Variants in AXIN2 observed in about 807,000 individuals in gnomAD.
AXIN2 encodes the protein axin-2.
AXIN2 carries 21 observed loss-of-function variants against 74.7 expected under a neutral mutation model. The observed-to-expected ratio is 0.28, with a 90% CI of 0.20 to 0.40. AXIN2 has a LOEUF of 0.40. Among genes scored for constraint, AXIN2 ranks in the 10% least tolerant of loss-of-function variants. AXIN2 has a pLI of 1.00. For missense variants in AXIN2, 1,144 were observed against 1,111.1 expected, an observed-to-expected ratio of 1.03 and a Z score of -0.42; for synonymous variants, 532 against 454.9, an observed-to-expected ratio of 1.17 and a Z score of -2.16.
In AXIN2 at chr17:65,528,702, T is replaced by C. The variant is rs751226158; in HGVS notation, c.*1274A>G. On this transcript the variant is annotated 3_prime_UTR_variant, in exon 11 of 11. Transcript: ENST00000307078. ...GAACAAAATGTCATGACAAAAGTCA[T>C]TGAGTACAAGACTTGTAATAAAAAG... 3.7e-5 allele frequency: 19 copies of C among 511,908 alleles called. No homozygotes were observed. The highest frequency in any genetic ancestry group is 1.5e-4 in the African/African-American group (8 of 51,992). The allele number at this position is 511,908 out of a possible 1,614,324, so 31.7% of individuals were successfully genotyped here.
chr17:65,544,095 T>C (rs945918711), intron 3 of AXIN2, among the ~76,000 whole-genome samples: 2 of 152,092 alleles, frequency 1.3e-5, no homozygotes, highest in South Asian at 2.1e-4. Flanking sequence ...AAGCACTCCA[T>C]GGACCCCACC....
At chr17:65,547,900 TGA>T (rs1238768845) in intron 3 of AXIN2, among the ~76,000 whole-genome samples, 1 of 152,228 alleles carries the variant, frequency 6.6e-6, no homozygotes, top group East Asian at 1.9e-4. Context: ...TCATTGCCTA[TGA>T]GAGAAATACC....
In AXIN2 at chr17:65,558,336, G is replaced by A. The variant is rs1555583568; in HGVS notation, c.285C>T (p.Phe95=). ...LLGDQDGAYL[F]RTFLEREKCV... is the part of the protein sequence containing the mutation. ...ATTTCTCCCTCTCCAGGAAAGTTCG[G>A]AACAGGTAAGCACCGTCTTGATCGC... The change falls in exon 2 of 11, where the codon TTC becomes TTT. Residue 95 remains phenylalanine, a synonymous_variant. Coordinates refer to ENST00000307078, the MANE Select transcript of AXIN2 (RefSeq NM_004655.4). 6.2e-7 allele frequency: 1 copy of A among 1,614,090 alleles called. No homozygotes were observed. Among genetic ancestry groups the A allele is most frequent in the African/African-American group, 1.3e-5 (1 of 74,940 alleles).
intron 10 of AXIN2, among the ~76,000 whole-genome samples, chr17:65,530,623 G>C (rs2043800572): frequency 6.6e-6 from 1 of 152,196 alleles, no homozygotes; most frequent in African/African-American, 2.4e-5. Flanking sequence ...GCAGTCCAAA[G>C]GCCTCTCGGC....
intron 2 of AXIN2, among the ~76,000 whole-genome samples, chr17:65,553,807 G>T (rs11869513): frequency 0.38 from 54,412 of 143,622 alleles, 12,624 homozygotes; most frequent in Non-Finnish European, 0.52. Flanking sequence ...TTAAGAAAAC[G>T]GAGTGGGGCT....
rs147057034 is a variant in AXIN2 at position 65,529,415 on chromosome 17, A to G, written c.*561T>C. On this transcript the variant is annotated 3_prime_UTR_variant, in exon 11 of 11. Transcript: ENST00000307078. ...GGGCACCATTTTAAAAAGTCTGTCT[A>G]AAACAGTCTGTCTTCACTTGGAGGG... The G allele has an allele frequency of 1.7e-4, 44 of 251,504 alleles. No homozygotes were observed. In the East Asian group the frequency reaches 2.5e-3, roughly 14 times the overall value. 15.6% of individuals were successfully genotyped at this position (251,504 alleles called of 1,614,324 possible).
intron 1 of AXIN2, among the ~76,000 whole-genome samples, chr17:65,559,770 A>C (rs1041276109): frequency 6.6e-6 from 1 of 152,214 alleles, no homozygotes; most frequent in African/African-American, 2.4e-5. Context: ...CAAACTAAGA[A>C]GGGTAGGGGC....
At position 65,538,166 on chromosome 17, in the gene AXIN2, G is replaced by T. The variant is rs775294617; in HGVS notation, c.1200+37C>A. The T allele has an allele frequency of 3.7e-6, 6 of 1,613,828 alleles. No homozygotes were observed. The Admixed American group carries it at 1.0e-4, about 27-fold the overall frequency. ...GCATACACATACGAGCGCTCACGCC[G>T]TGGACGGAAGCAGGAAGAAGGCCTA... On this transcript the variant is annotated intron_variant, in intron 5 of 10. Transcript: ENST00000307078.
rs937475279 is a variant in AXIN2 at position 65,529,693 on chromosome 17, A to T, written c.*283T>A. On this transcript the variant is annotated 3_prime_UTR_variant, in exon 11 of 11. Coordinates refer to ENST00000307078, the MANE Select transcript of AXIN2 (RefSeq NM_004655.4). ...ATCCCTAGGAAGTCATATATTATGT[A>T]TGGCAGTCTCTCAAATACAGGCAGC... The T allele has an allele frequency of 1.0e-5, 5 of 486,286 alleles. No individual in the cohort carries two copies. In the Admixed American group the frequency reaches 1.7e-4, roughly 16 times the overall value. The allele number at this position is 486,286 out of a possible 1,614,324, so 30.1% of individuals were successfully genotyped here. A position where few individuals can be genotyped will look rare whatever the true frequency, so the allele number is the denominator to read the frequency against.
At chr17:65,534,953 G>T (rs1017149292) in intron 9 of AXIN2, among the ~76,000 whole-genome samples, 1 of 152,100 alleles carries the variant, frequency 6.6e-6, no homozygotes, top group African/African-American at 2.4e-5. Context: ...AAAGTGGCTG[G>T]CCCAGACCCA....
chr17:65,549,673 T>G lies in AXIN2; in HGVS notation c.816-13A>C. The G allele has an allele frequency of 6.3e-7, 1 of 1,589,394 alleles. No homozygotes were observed. Among genetic ancestry groups the G allele is most frequent in the East Asian group, 2.3e-5 (1 of 44,158 alleles). On this transcript the variant is annotated splice_polypyrimidine_tract_variant and intron_variant, in intron 2 of 10. Coordinates refer to ENST00000307078, the MANE Select transcript of AXIN2 (RefSeq NM_004655.4). ...CCTCTTGAAGGACCTATGGGCAAAG[T>G]ACAAAAGTGGTTCAGTCACTGACCC...
chr17:65,536,191 A>C, intron 8 of AXIN2, 129 bp downstream of exon 8: 1 of 953,122 alleles, frequency 1.0e-6, no homozygotes, highest in Non-Finnish European at 1.6e-6. Flanking sequence ...CTCATCCATA[A>C]GTAATTCTTC....
chr17:65,533,250 C>T (rs62063441), intron 10 of AXIN2, among the ~76,000 whole-genome samples: 18,991 of 152,194 alleles, frequency 0.12, 1,241 homozygotes, highest in Middle Eastern at 0.23. Context: ...GGCAGCGGGG[C>T]CCAGGCCTGG....
chr17:65,552,630 G>A lies in AXIN2; in HGVS notation c.816-2970C>T, dbSNP rs911346613. 1.2e-4 allele frequency among the ~76,000 whole-genome samples: 19 copies of A among 152,168 alleles called. 1 individual carries two copies. Among genetic ancestry groups the A allele is most frequent in the African/African-American group, 4.6e-4 (19 of 41,448 alleles). ...CCTGAAGAGCAGGCAGTTGGATCAT[G>A]GCCTCTGCACCAAGTTCTGAGGTCC... is the stretch of plus-strand genomic sequence containing the variant. On this transcript the variant is annotated intron_variant, in intron 2 of 10. Coordinates refer to ENST00000307078, the MANE Select transcript of AXIN2 (RefSeq NM_004655.4).
In AXIN2 at chr17:65,555,571, G is replaced by A. The variant is rs371632096; in HGVS notation, c.815+2235C>T. Reference sequence around the variant, plus strand: ...TATACTAATTATAACACTTTGCGGCGGTTCAAAACGTTTCTCTCTACAAAA... The same window carrying A: ...TATACTAATTATAACACTTTGCGGCAGTTCAAAACGTTTCTCTCTACAAAA... On this transcript the variant is annotated intron_variant, in intron 2 of 10. Transcript: ENST00000307078. Among the ~76,000 whole-genome samples, 308 of 152,086 alleles carry A rather than the reference G, an allele frequency of 2.0e-3. 3 individuals are homozygous for A. Among genetic ancestry groups the A allele is most frequent in the African/African-American group, 6.7e-3 (276 of 41,478 alleles).
In AXIN2 at chr17:65,536,561, A is replaced by G. The variant is rs762678966; in HGVS notation, c.1908-8T>C. On this transcript the variant is annotated splice_polypyrimidine_tract_variant and splice_region_variant and intron_variant, in intron 7 of 10. Transcript: ENST00000307078. Reference sequence around the variant, plus strand: ...TTTTTTGTGCTTTGGGCACTAAACAAGGAATGAGCAGAGAGAAAACAGAAG... The same window carrying G: ...TTTTTTGTGCTTTGGGCACTAAACAGGGAATGAGCAGAGAGAAAACAGAAG... 2.5e-6 allele frequency: 4 copies of G among 1,613,460 alleles called. No individual in the cohort carries two copies. Among genetic ancestry groups the G allele is most frequent in the Non-Finnish European group, 3.4e-6 (4 of 1,179,806 alleles).
chr17:65,538,371 A>C (rs776118886), intron 4 of AXIN2, 28 bp from the exon 5 acceptor site: 5 of 1,613,394 alleles, frequency 3.1e-6, no homozygotes, highest in East Asian at 2.2e-5. Context: ...GAAAGGGAGG[A>C]GGCACGTTCA....
chr17:65,560,792 G>A (rs933539605), intron 1 of AXIN2: 2 of 151,484 alleles, frequency 1.3e-5, no homozygotes, highest in East Asian at 2.0e-4. Context: ...CAAAGCGCGC[G>A]GTCCGCCCGG....
intron 3 of AXIN2, among the ~76,000 whole-genome samples, chr17:65,547,000 C>T (rs1357766098): frequency 4.6e-5 from 7 of 152,160 alleles, no homozygotes; most frequent in Non-Finnish European, 4.4e-5. Flanking sequence ...ACCCTTGCCA[C>T]CTAGAATAGG....
Sources: allele counts gnomAD v4.1 joint callset (sites outside exome capture counted in the v4.1 genomes callset), GRCh38; gene constraint gnomAD v4.1.1; transcripts MANE v1.5; gene names NCBI Gene and HGNC (gene_info 2026-07-23, HGNC 2026-07-21).